The following STRN variants were observed in gnomAD, a reference collection of about 807,000 sequenced individuals.
STRN encodes the protein striatin, also known as protein phosphatase 2 regulatory subunit B'''alpha.
In STRN, 53 loss-of-function variants were observed where a neutral mutation model predicts 96.3. That is an observed-to-expected ratio of 0.55 (90% CI 0.44 to 0.69). STRN has a LOEUF of 0.69. Ranked by LOEUF, STRN falls within the 30% of genes least tolerant of loss-of-function variation. The probability of loss-of-function intolerance (pLI) is 0.00; values close to 1 mark genes in which losing one functional copy is unlikely to be tolerated. For missense variants in STRN, 987 were observed against 963.9 expected, an observed-to-expected ratio of 1.02 and a Z score of -0.32; for synonymous variants, 428 against 355.9, an observed-to-expected ratio of 1.20 and a Z score of -2.28.
chr2:36,952,149 T>C (rs1180674227), intron 1 of STRN, among the ~76,000 whole-genome samples: 4 of 152,236 alleles, frequency 2.6e-5, no homozygotes, highest in African/African-American at 9.6e-5. Flanking sequence ...TGGGTAGGCC[T>C]GTCTTACATT....
At chr2:36,955,615 C>A (rs1244840124) in intron 1 of STRN, among the ~76,000 whole-genome samples, 1 of 152,156 alleles carries the variant, frequency 6.6e-6, no homozygotes, top group African/African-American at 2.4e-5. Context: ...TTCTCTCTTG[C>A]CTCAAGCGTC....
chr2:36,958,366 A>G (rs1016443744), intron 1 of STRN, among the ~76,000 whole-genome samples: 8 of 152,224 alleles, frequency 5.3e-5, no homozygotes, highest in Admixed American at 1.3e-4. Context: ...ACGCAAAGAC[A>G]CTAACTAAAA....
At chr2:36,911,748 C>CT (rs1296496995) in intron 3 of STRN, among the ~76,000 whole-genome samples, 7 of 152,004 alleles carry the variant, frequency 4.6e-5, no homozygotes, top group Admixed American at 3.3e-4. Context: ...TTTTTTGTCC[C>CT]TTTTTCTCTC....
At chr2:36,900,006 A>G (rs1309111939) in intron 5 of STRN, among the ~76,000 whole-genome samples, 2 of 152,064 alleles carry the variant, frequency 1.3e-5, no homozygotes, top group African/African-American at 4.8e-5. Context: ...CTCCAGTTTC[A>G]GCCTCCCAAG....
chr2:36,879,138 T>G (rs1293176481), intron 9 of STRN, among the ~76,000 whole-genome samples: 1 of 151,946 alleles, frequency 6.6e-6, no homozygotes, highest in Non-Finnish European at 1.5e-5. Context: ...TGGCATGATC[T>G]CAGCTTACTG....
intron 1 of STRN, among the ~76,000 whole-genome samples, chr2:36,945,947 T>C (rs1375364705): frequency 2.0e-5 from 3 of 152,180 alleles, no homozygotes; most frequent in African/African-American, 4.8e-5. Flanking sequence ...AGTTTTCATG[T>C]AACTTTAAAA....
intron 1 of STRN, among the ~76,000 whole-genome samples, chr2:36,950,138 G>A (rs1180549079): frequency 6.6e-6 from 1 of 151,784 alleles, no homozygotes; most frequent in African/African-American, 2.4e-5. Flanking sequence ...ATGAGGGACA[G>A]GATGGCAATA....
At chr2:36,940,599 G>T (rs986092437) in intron 1 of STRN, among the ~76,000 whole-genome samples, 1 of 150,022 alleles carries the variant, frequency 6.7e-6, no homozygotes, top group African/African-American at 2.5e-5. Context: ...AAGCCGAAGC[G>T]GATGCATCAC....
chr2:36,938,233 C>T (rs1398870805), intron 1 of STRN, among the ~76,000 whole-genome samples: 1 of 151,994 alleles, frequency 6.6e-6, no homozygotes, highest in African/African-American at 2.4e-5. Flanking sequence ...CAAGATCAGC[C>T]TGGCTGACAT....
At chr2:36,930,155 G>A (rs1670533273) in intron 1 of STRN, among the ~76,000 whole-genome samples, 1 of 152,178 alleles carries the variant, frequency 6.6e-6, no homozygotes, top group Non-Finnish European at 1.5e-5. Context: ...TATCAGGCTA[G>A]GCGCGGTGGT....
chr2:36,882,005 T>C (rs1213187817), intron 9 of STRN, among the ~76,000 whole-genome samples: 1 of 152,214 alleles, frequency 6.6e-6, no homozygotes, highest in Non-Finnish European at 1.5e-5. Context: ...AAATAAACTT[T>C]ACATCTACAG....
intron 1 of STRN, among the ~76,000 whole-genome samples, chr2:36,952,550 A>C (rs1664778930): frequency 6.6e-6 from 1 of 152,138 alleles, no homozygotes; most frequent in Non-Finnish European, 1.5e-5. Context: ...CTTTCTTCCC[A>C]AATTTCTCAC....
intron 3 of STRN, among the ~76,000 whole-genome samples, chr2:36,907,024 G>C (rs759758130): frequency 6.6e-6 from 1 of 152,048 alleles, no homozygotes; most frequent in Non-Finnish European, 1.5e-5. Context: ...TCATCACTAG[G>C]TAAAACCAGA....
chr2:36,941,958 G>A (rs950697039), intron 1 of STRN, among the ~76,000 whole-genome samples: 36 of 152,172 alleles, frequency 2.4e-4, no homozygotes, highest in Admixed American at 2.2e-3. Flanking sequence ...CCGGCTATTC[G>A]AAATACATAT....
chr2:36,855,227 A>C lies in STRN; in HGVS notation c.1963T>G (p.Ser655Ala), dbSNP rs1291747438. ...GTATGCATACTTGTATCTACATTGG[A>C]TTCTAAAGTGAGAATGCGTTGTTGT... is the stretch of plus-strand genomic sequence containing the variant. ...ETQQRILTLESNVDTTANSSC... is the reference protein window; with the variant it reads ...ETQQRILTLEANVDTTANSSC... The change falls in exon 15 of 18, where the codon TCC becomes GCC. Residue 655 changes from serine to alanine, a missense_variant. Transcript: ENST00000263918. The C allele has an allele frequency of 6.2e-7, 1 of 1,613,758 alleles. No individual in the cohort carries two copies. Among genetic ancestry groups the C allele is most frequent in the African/African-American group, 1.3e-5 (1 of 75,026 alleles).
chr2:36,856,927 C>T (rs902996391), intron 14 of STRN, among the ~76,000 whole-genome samples: 1 of 152,060 alleles, frequency 6.6e-6, no homozygotes, highest in African/African-American at 2.4e-5. Context: ...CTTTGACTTC[C>T]ACCATGATTG....
chr2:36,945,476 G>C (rs1302164232), intron 1 of STRN, among the ~76,000 whole-genome samples: 1 of 152,170 alleles, frequency 6.6e-6, no homozygotes, highest in Admixed American at 6.5e-5. Flanking sequence ...GACCAGCCTG[G>C]CTAACGTAGT....
chr2:36,899,893 CCTAT>C (rs1669639891), intron 5 of STRN, among the ~76,000 whole-genome samples: 2 of 152,048 alleles, frequency 1.3e-5, no homozygotes, highest in African/African-American at 4.8e-5. Context: ...TACCTACCTA[CCTAT>C]CTACCTGGAG....
rs773992822 is a variant in STRN at position 36,902,696 on chromosome 2, C to G, written c.547G>C (p.Val183Leu). 6.2e-7 allele frequency: 1 copy of G among 1,611,126 alleles called. No homozygotes were observed. The highest frequency in any genetic ancestry group is 8.5e-7 in the Non-Finnish European group (1 of 1,177,952). The change falls in exon 5 of 18, where the codon GTG becomes CTG. Residue 183 changes from valine to leucine, a missense_variant. By Grantham distance (32) the Val-to-Leu change is conservative. Transcript: ENST00000263918. Reference protein sequence around the residue: ...DTILDVKSKRVRALLGFSSDV... With the variant: ...DTILDVKSKRLRALLGFSSDV... Reference sequence around the variant, plus strand: ...CTTGAAAAGCCCAACAAAGCTCGCACTCGTTTAGATTTCACATCTAGAATA... The same window carrying G: ...CTTGAAAAGCCCAACAAAGCTCGCAGTCGTTTAGATTTCACATCTAGAATA...
Sources: gnomAD v4.1 joint callset for allele counts (sites outside exome capture counted in the v4.1 genomes callset) on GRCh38, gnomAD v4.1.1 for gene constraint, MANE v1.5 for transcripts, NCBI Gene and HGNC (gene_info 2026-07-23, HGNC 2026-07-21) for gene names.